Variants in TARM1 observed in about 807,000 individuals in gnomAD.
TARM1 encodes T-cell-interacting, activating receptor on myeloid cells protein 1.
TARM1 carries 24 observed loss-of-function variants against 30.4 expected under a neutral mutation model. That is an observed-to-expected ratio of 0.79 (90% CI 0.57 to 1.11). The LOEUF (loss-of-function observed/expected upper bound fraction) is 1.11. Ranked by LOEUF, TARM1 falls within the 50% of genes least tolerant of loss-of-function variation. TARM1 has a pLI of 0.00. For missense variants in TARM1, 323 were observed against 332.8 expected, an observed-to-expected ratio of 0.97 and a Z score of 0.23; for synonymous variants, 129 against 138.9, an observed-to-expected ratio of 0.93 and a Z score of 0.50.
Position 54,074,909 on chromosome 19 carries a change from A to G in TARM1, c.276T>C (p.Ala92=). ...TGTAGTATTCACAGGTGTACTCTCC[A>G]GCATTTCTGACTTTTAGATTATTGA... The part of the protein sequence containing the change: ...FHLNNLKVRN[A]GEYTCEYYRK... The change falls in exon 3 of 5, where the codon GCT becomes GCC. Residue 92 remains alanine, a synonymous_variant. Coordinates refer to ENST00000432826, the MANE Select transcript of TARM1 (RefSeq NM_001135686.3). 1 of 1,551,632 alleles carries G rather than the reference A, an allele frequency of 6.4e-7. No homozygotes were observed. The highest frequency in any genetic ancestry group is 2.0e-5 in the Admixed American group (1 of 50,978).
At chr19:54,077,364 G>A (rs900923429) in intron 1 of TARM1, among the ~76,000 whole-genome samples, 35 of 151,230 alleles carry the variant, frequency 2.3e-4, no homozygotes, top group African/African-American at 8.3e-4. Flanking sequence ...TGGCCACAGC[G>A]CGAGACTCAG....
chr19:54,077,260 G>C (rs961037757), intron 1 of TARM1, among the ~76,000 whole-genome samples: 1 of 151,722 alleles, frequency 6.6e-6, no homozygotes, highest in African/African-American at 2.4e-5. Flanking sequence ...GGGCGCCTGT[G>C]ATCCCAGCTA....
At chr19:54,080,517 AGG>A in intron 1 of TARM1, among the ~76,000 whole-genome samples, 1 of 146,356 alleles carries the variant, frequency 6.8e-6, no homozygotes, top group African/African-American at 2.5e-5. Context: ...GAAGGAAGGA[AGG>A]AAGGAAGGAA....
intron 4 of TARM1, among the ~76,000 whole-genome samples, chr19:54,072,644 G>C (rs1424125856): frequency 6.6e-6 from 1 of 151,964 alleles, no homozygotes; most frequent in African/African-American, 2.4e-5. Context: ...ACACATGACT[G>C]AGAAAGAATT....
chr19:54,078,178 CTTTTTTTT>C (rs869101071), intron 1 of TARM1, among the ~76,000 whole-genome samples: 2 of 67,806 alleles, frequency 2.9e-5, no homozygotes, highest in Non-Finnish European at 5.2e-5. Flanking sequence ...TTCTTTCTTT[CTTTTTTTT>C]TTTTTTTTTT....
chr19:54,080,490 GGAAGGGAGGAAGGA>G (rs2072098532), intron 1 of TARM1, among the ~76,000 whole-genome samples: 106 of 85,098 alleles, frequency 1.2e-3, no homozygotes, highest in Middle Eastern at 6.0e-3. Context: ...GAGAGAGGAA[GGAAGGGAGGAAGGA>G]AGGAAGGAAG....
At chr19:54,075,182 A>ATTT in intron 2 of TARM1, 68 bp from the exon 3 acceptor site, 1 of 1,071,274 alleles carries the variant, frequency 9.3e-7, no homozygotes, top group East Asian at 2.7e-5. Context: ...CCTTTTTAAA[A>ATTT]TTTATTATTA....
intron 1 of TARM1, chr19:54,076,347 T>TTCATTCTTTCTTTCTTTCA: frequency 2.9e-6 from 1 of 350,264 alleles, no homozygotes; most frequent in Non-Finnish European, 4.4e-6. Context: ...TCTTTCTTTC[T>TTCATTCTTTCTTTCTTTCA]TTCATTCATT....
rs2071947720 is a variant in TARM1, at chr19:54,076,249, T to C, written c.35-331A>G. 5 of 1,489,174 alleles carry C rather than the reference T, an allele frequency of 3.4e-6. No homozygotes were observed. The African/African-American group carries it at 4.2e-5, about 13-fold the overall frequency. The allele number at this position is 1,489,174 out of a possible 1,614,324, so 92.2% of individuals were successfully genotyped here. Reference sequence around the variant, plus strand: ...TTTCTTTCTTTCTTTTTCTTTCCTTTCTTTCTTTCTTTTTTCTTTCTTTCA... The same window carrying C: ...TTTCTTTCTTTCTTTTTCTTTCCTTCCTTTCTTTCTTTTTTCTTTCTTTCA... On this transcript the variant is annotated intron_variant, in intron 1 of 4. Coordinates refer to ENST00000432826, the MANE Select transcript of TARM1 (RefSeq NM_001135686.3).
chr19:54,071,006 G>A (rs2071797250), intron 4 of TARM1, among the ~76,000 whole-genome samples: 1 of 152,040 alleles, frequency 6.6e-6, no homozygotes, highest in African/African-American at 2.4e-5. Flanking sequence ...TGCTCAGGCT[G>A]GAGTGCAGCG....
chr19:54,070,195 G>C, intron 4 of TARM1, 35 bp from the exon 5 acceptor site: 1 of 1,543,324 alleles, frequency 6.5e-7, no homozygotes, highest in South Asian at 1.2e-5. Flanking sequence ...CTGACCCTCA[G>C]AGGGTATCCC....
intron 1 of TARM1, among the ~76,000 whole-genome samples, chr19:54,080,053 A>AAGG (rs1568511296): frequency 2.1e-4 from 6 of 28,244 alleles, no homozygotes; most frequent in Non-Finnish European, 4.8e-4. Context: ...AGGAAGGGAA[A>AAGG]GAGAGAGAGG....
intron 1 of TARM1, among the ~76,000 whole-genome samples, chr19:54,077,205 A>C (rs1238564050): frequency 6.6e-6 from 1 of 151,798 alleles, no homozygotes; most frequent in East Asian, 1.9e-4. Context: ...ACATGGTGAA[A>C]CCCCGTCTCT....
At chr19:54,075,704 A>T (rs587694779) in intron 2 of TARM1, among the ~76,000 whole-genome samples, 179 bp downstream of exon 2, 1 of 151,844 alleles carries the variant, frequency 6.6e-6, no homozygotes, top group African/African-American at 2.4e-5. Flanking sequence ...GAGACAGGAG[A>T]ATCACTTGAG....
intron 4 of TARM1, among the ~76,000 whole-genome samples, chr19:54,072,761 G>C (rs1280036478): frequency 6.6e-6 from 1 of 152,090 alleles, no homozygotes; most frequent in East Asian, 1.9e-4. Context: ...CGGATCACCT[G>C]AGGCCAGGGG....
In TARM1 at chr19:54,070,060, C is replaced by T. The variant is rs986866863; in HGVS notation, c.759G>A (p.Glu253=). ...IVVIMGAFLV[E]AWYSRNVSPG... ...GAGACACATTCCGGCTGTACCAGGCCTCCACCAGGAAAGCTCCCATGATAA... is the reference window on the plus strand; with the variant it reads ...GAGACACATTCCGGCTGTACCAGGCTTCCACCAGGAAAGCTCCCATGATAA... The change falls in exon 5 of 5, where the codon GAG becomes GAA. Residue 253 remains glutamate (E), a synonymous_variant. Transcript: ENST00000432826. The T allele has an allele frequency of 2.0e-5, 31 of 1,551,508 alleles. No individual in the cohort carries two copies. Among genetic ancestry groups the T allele is most frequent in the Non-Finnish European group, 2.6e-5 (30 of 1,146,998 alleles).
At position 54,070,130 on chromosome 19, in the gene TARM1, G is replaced by C. The variant is rs1248907278; in HGVS notation, c.689C>G (p.Ser230Cys). ...VPPGTTSSNY[S>C]LGNFVRLGLA... is the part of the protein sequence containing the mutation. ...ACCCAGTCGTACGAAGTTACCCAGG[G>C]AGTAGTTGCTCGATGTGGTACCTGG... Residue 230 changes from serine to cysteine, a missense_variant, in exon 5 of 5, where the codon TCC (serine) becomes TGC (cysteine). Physicochemically the swap from Ser to Cys is moderately radical, Grantham distance 112. Coordinates refer to ENST00000432826, the MANE Select transcript of TARM1 (RefSeq NM_001135686.3). 1.3e-6 allele frequency: 2 copies of C among 1,551,678 alleles called. No individual in the cohort carries two copies. Among genetic ancestry groups the C allele is most frequent in the Non-Finnish European group, 8.7e-7 (1 of 1,146,984 alleles).
At chr19:54,077,567 C>T (rs773504288) in intron 1 of TARM1, among the ~76,000 whole-genome samples, 3 of 151,906 alleles carry the variant, frequency 2.0e-5, no homozygotes, top group South Asian at 2.1e-4. Context: ...AGTTACCAGG[C>T]GTTTGTGCTA....
chr19:54,073,858 A>G, intron 4 of TARM1, 62 bp downstream of exon 4: 1 of 1,496,052 alleles, frequency 6.7e-7, no homozygotes, highest in Non-Finnish European at 9.1e-7. Flanking sequence ...TTCACAGAAG[A>G]ACAAAACAAT....
Sources: gnomAD v4.1 joint callset for allele counts (sites outside exome capture counted in the v4.1 genomes callset) on GRCh38, gnomAD v4.1.1 for gene constraint, MANE v1.5 for transcripts, NCBI Gene and HGNC (gene_info 2026-07-23, HGNC 2026-07-21) for gene names.